The following ARHGAP18 variants were observed in gnomAD, a reference collection of about 807,000 sequenced individuals.
The protein encoded by ARHGAP18 is rho GTPase-activating protein 18.
A neutral mutation model predicts 86.2 loss-of-function variants in ARHGAP18; 67 were observed. The observed-to-expected ratio is 0.78, with a 90% confidence interval of 0.64 to 0.95. The LOEUF (loss-of-function observed/expected upper bound fraction) is 0.95. Ranked by LOEUF, ARHGAP18 falls within the 40% of genes least tolerant of loss-of-function variation. The probability of loss-of-function intolerance (pLI) is 0.00; values close to 1 mark genes in which losing one functional copy is unlikely to be tolerated. For missense variants in ARHGAP18, 691 were observed against 780.4 expected (o/e 0.89, Z 1.37); for synonymous variants, 283 against 280.4 (o/e 1.01, Z -0.09).
Position 129,576,981 on chromosome 6 carries a change from T to C in ARHGAP18, c.*1532A>G, listed in dbSNP as rs554410133. 6.6e-6 allele frequency: 1 copy of C among 151,640 alleles called. No individual in the cohort carries two copies. Among genetic ancestry groups the C allele is most frequent in the South Asian group, 2.1e-4 (1 of 4,812 alleles). The allele number at this position is 151,640 out of a possible 1,614,324, so 9.4% of individuals were successfully genotyped here. A position where few individuals can be genotyped will look rare whatever the true frequency, so the allele number is the denominator to read the frequency against. On this transcript the variant is annotated 3_prime_UTR_variant, in exon 15 of 15. Coordinates refer to ENST00000368149, the MANE Select transcript of ARHGAP18 (RefSeq NM_033515.3). ...CCTACTTTAAAAATTACAAAGAAAA[T>C]AGAAAATAGAGGTGACTTTTAATAA...
rs10688716 is a variant in ARHGAP18, at chr6:129,676,915, C to CTTTTTTT, written c.113+33102_113+33108dup. On this transcript the variant is annotated intron_variant, in intron 1 of 14. Transcript: ENST00000368149. ...AAACAGATGAAAAATTTTTTGTCCTCTTTTTTTTTTTTTTTTTTTTTTTTT... is the reference window on the plus strand; with the variant it reads ...AAACAGATGAAAAATTTTTTGTCCTCTTTTTTTTTTTTTTTTTTTTTTTTTTTTTTTT... Among the ~76,000 whole-genome samples, 9 of 37,960 alleles carry CTTTTTTT rather than the reference C, an allele frequency of 2.4e-4. 3 individuals are homozygous for CTTTTTTT. The highest frequency in any genetic ancestry group is 4.1e-4 in the Admixed American group (1 of 2,440). The allele number at this position is 37,960 out of a possible 152,430, so 24.9% of individuals were successfully genotyped here.
chr6:129,692,726 T>G (rs933758548), intron 1 of ARHGAP18, among the ~76,000 whole-genome samples: 1 of 152,154 alleles, frequency 6.6e-6, no homozygotes, highest in African/African-American at 2.4e-5. Context: ...ATAAAACAGG[T>G]CTAGGTTTAG....
At chr6:129,609,009 A>C (rs1788918429) in intron 8 of ARHGAP18, among the ~76,000 whole-genome samples, 1 of 151,360 alleles carries the variant, frequency 6.6e-6, no homozygotes, top group Non-Finnish European at 1.5e-5. Flanking sequence ...GAAGAGGAAA[A>C]AAAAAAGAGG....
At chr6:129,705,024 T>G (rs780853772) in intron 1 of ARHGAP18, among the ~76,000 whole-genome samples, 2 of 152,202 alleles carry the variant, frequency 1.3e-5, no homozygotes, top group Non-Finnish European at 2.9e-5. Flanking sequence ...TTAAAAACTC[T>G]TCTTCTAATT....
intron 12 of ARHGAP18, among the ~76,000 whole-genome samples, chr6:129,589,013 A>C (rs570411455): frequency 1.4e-4 from 21 of 151,334 alleles, no homozygotes; most frequent in Admixed American, 7.2e-4. Context: ...TGTGTAGAGC[A>C]GGGGAGCCCT....
At chr6:129,582,240 G>A (rs1788304361) in intron 13 of ARHGAP18, among the ~76,000 whole-genome samples, 1 of 152,110 alleles carries the variant, frequency 6.6e-6, no homozygotes, top group Non-Finnish European at 1.5e-5. Context: ...GACGATAGTT[G>A]TCACAAGTTG....
At chr6:129,628,381 G>T (rs957118080) in intron 5 of ARHGAP18, among the ~76,000 whole-genome samples, 1 of 152,208 alleles carries the variant, frequency 6.6e-6, no homozygotes, top group African/African-American at 2.4e-5. Context: ...CACCAGGTTA[G>T]TTGTTGTTTC....
intron 3 of ARHGAP18, among the ~76,000 whole-genome samples, chr6:129,635,223 T>A (rs1314448351): frequency 2.0e-5 from 3 of 152,194 alleles, no homozygotes. Flanking sequence ...AGACAGAAAG[T>A]GGCCATTGTA....
chr6:129,685,602 G>GGTTA (rs35062867), intron 1 of ARHGAP18, among the ~76,000 whole-genome samples: 29,842 of 152,042 alleles, frequency 0.2, 3,188 homozygotes, highest in South Asian at 0.31. Context: ...ACTGTATAAA[G>GGTTA]GTTATTGTTA....
intron 1 of ARHGAP18, among the ~76,000 whole-genome samples, chr6:129,689,805 C>T (rs952476851): frequency 8.5e-5 from 13 of 152,134 alleles, no homozygotes; most frequent in South Asian, 2.1e-4. Context: ...AGAAAAGGCA[C>T]GCATTTGCTT....
chr6:129,589,874 G>A (rs559848570), intron 12 of ARHGAP18, among the ~76,000 whole-genome samples: 1 of 152,302 alleles, frequency 6.6e-6, no homozygotes, highest in Non-Finnish European at 1.5e-5. Context: ...TGGGGAAGCT[G>A]ACAGTGCAGC....
intron 12 of ARHGAP18, among the ~76,000 whole-genome samples, chr6:129,589,903 G>A (rs1162652793): frequency 6.6e-6 from 1 of 152,196 alleles, no homozygotes; most frequent in Admixed American, 6.5e-5. Flanking sequence ...TGTGGCTGAA[G>A]GTCAGACAGC....
Position 129,706,703 on chromosome 6 carries a change from A to G in ARHGAP18, c.113+3321T>C, listed in dbSNP as rs550673504. 2.6e-4 allele frequency among the ~76,000 whole-genome samples: 40 copies of G among 151,900 alleles called. 3 individuals carry two copies. The highest frequency in any genetic ancestry group is 8.9e-4 in the African/African-American group (37 of 41,398). Reference sequence around the variant, plus strand: ...GGAGTTCGAGACCAGCCTGGTCAACATGGTGAAACCCCGTCTCTACTAAAA... The same window carrying G: ...GGAGTTCGAGACCAGCCTGGTCAACGTGGTGAAACCCCGTCTCTACTAAAA... On this transcript the variant is annotated intron_variant, in intron 1 of 14. Transcript: ENST00000368149.
chr6:129,641,263 A>T (rs902758015), intron 2 of ARHGAP18, among the ~76,000 whole-genome samples: 1 of 152,236 alleles, frequency 6.6e-6, no homozygotes, highest in Non-Finnish European at 1.5e-5. Context: ...GGCTAGGAAC[A>T]AGATAAATAT....
At chr6:129,612,117 C>G (rs1439095843) in intron 7 of ARHGAP18, among the ~76,000 whole-genome samples, 2 of 152,174 alleles carry the variant, frequency 1.3e-5, no homozygotes, top group African/African-American at 4.8e-5. Context: ...TATATGGCCT[C>G]TAAGTCATAC....
chr6:129,600,298 T>C (rs1262128770), intron 11 of ARHGAP18, among the ~76,000 whole-genome samples: 1 of 152,156 alleles, frequency 6.6e-6, no homozygotes, highest in Admixed American at 6.5e-5. Flanking sequence ...GAAGATGTTC[T>C]CAGTTAATAA....
intron 1 of ARHGAP18, among the ~76,000 whole-genome samples, chr6:129,677,585 A>G (rs1401253498): frequency 1.3e-5 from 2 of 152,238 alleles, no homozygotes; most frequent in Non-Finnish European, 2.9e-5. Flanking sequence ...TAAAGCATTT[A>G]GATTGTATCT....
chr6:129,610,913 A>T (rs1788965434), intron 8 of ARHGAP18, among the ~76,000 whole-genome samples: 1 of 151,360 alleles, frequency 6.6e-6, no homozygotes, highest in Non-Finnish European at 1.5e-5. Context: ...TATTTTTAAG[A>T]AACAGGGTCT....
intron 1 of ARHGAP18, among the ~76,000 whole-genome samples, chr6:129,698,859 ATTT>A (rs1255285852): frequency 6.6e-6 from 1 of 151,844 alleles, no homozygotes; most frequent in South Asian, 2.1e-4. Flanking sequence ...TGCCAGACTA[ATTT>A]TTTTATTTTT....
Sources: allele counts gnomAD v4.1 joint callset (sites outside exome capture counted in the v4.1 genomes callset), GRCh38; gene constraint gnomAD v4.1.1; transcripts MANE v1.5; gene names NCBI Gene and HGNC (gene_info 2026-07-23, HGNC 2026-07-21).